Variants in GJB1 observed in about 807,000 individuals in gnomAD.
The protein encoded by GJB1 is gap junction protein beta 1.
GJB1 carries 1 observed loss-of-function variant against 12.0 expected under a neutral mutation model. That is an observed-to-expected ratio of 0.08 (90% CI 0.03 to 0.40). The LOEUF (loss-of-function observed/expected upper bound fraction) is 0.40. Ranked by LOEUF, GJB1 falls within the 10% of genes least tolerant of loss-of-function variation. The pLI is 0.98. For missense variants in GJB1, 140 were observed against 250.3 expected (o/e 0.56, Z 2.97); for synonymous variants, 114 against 102.8 (o/e 1.11, Z -0.66).
chrX:71,221,915 G>A (rs1261206224), upstream of GJB1, among the ~76,000 whole-genome samples: 3 of 109,249 alleles, frequency 2.7e-5, no homozygotes, highest in Admixed American at 9.9e-5. Flanking sequence ...TGGGAAGATC[G>A]CTTGAGCCCA....
intron 1 of GJB1, 46 bp from the exon 2 acceptor site, chrX:71,223,646 C>T: frequency 8.4e-7 from 1 of 1,189,602 alleles, no homozygotes; most frequent in Non-Finnish European, 1.1e-6. Context: ...GCCCGACTTT[C>T]CACCCCAGCT....
chrX:71,224,348 T>C lies in GJB1; in HGVS notation c.641T>C (p.Ile214Thr). ...LNVAEVVYLI[I>T]RACARRAQRR... Reference sequence around the variant, plus strand: ...GTGGCCGAGGTGGTGTACCTCATCATCCGGGCCTGTGCCCGCCGAGCCCAG... The same window carrying C: ...GTGGCCGAGGTGGTGTACCTCATCACCCGGGCCTGTGCCCGCCGAGCCCAG... Residue 214 changes from isoleucine (I) to threonine (T), a missense_variant, in exon 2 of 2, where the codon ATC (isoleucine) becomes ACC (threonine). Transcript: ENST00000361726. 1 of 1,208,319 alleles carries C rather than the reference T, an allele frequency of 8.3e-7. No individual in the cohort carries two copies. The highest frequency in any genetic ancestry group is 1.1e-6 in the Non-Finnish European group (1 of 894,720).
chrX:71,217,104 ATGTGTGTGTGTGTGTGTG>A (rs34246909), intron 1 of GJB1, among the ~76,000 whole-genome samples: 91 of 93,573 alleles, frequency 9.7e-4, no homozygotes, highest in South Asian at 5.6e-3. Context: ...GACTAGACGA[ATGTGTGTGTGTGTGTGTG>A]TGTGTGTGTG....
chrX:71,219,646 C>T (rs1430660746), upstream of GJB1, among the ~76,000 whole-genome samples: 8 of 100,981 alleles, frequency 7.9e-5, no homozygotes, highest in Admixed American at 6.5e-4. Flanking sequence ...TGGTGGCGGG[C>T]GCCTGTAGTC....
chrX:71,217,649 C>T (rs1008518131), intron 1 of GJB1: 6 of 111,743 alleles, frequency 5.4e-5, no homozygotes, highest in African/African-American at 2.0e-4. Context: ...TTGATATTGA[C>T]ATAGGGATCA....
chrX:71,216,670 G>A (rs182918224), intron 1 of GJB1, among the ~76,000 whole-genome samples: 2 of 110,940 alleles, frequency 1.8e-5, no homozygotes, highest in East Asian at 2.8e-4. Context: ...TGAAAAGACC[G>A]CAGCAGAGAG....
At chrX:71,217,311 T>G (rs978713276) in intron 1 of GJB1, among the ~76,000 whole-genome samples, 29 of 112,387 alleles carry the variant, frequency 2.6e-4, no homozygotes, top group Admixed American at 2.6e-3. Flanking sequence ...GCAGTGCAAT[T>G]GCCGTTGAGG....
chrX:71,218,406 C>G (rs778260617), upstream of GJB1, among the ~76,000 whole-genome samples: 247 of 96,820 alleles, frequency 2.6e-3, no homozygotes, highest in Non-Finnish European at 3.6e-3. Flanking sequence ...TTTTTTCAAT[C>G]TCCCTGTTCC....
At chrX:71,216,673 G>C (rs780743426) in intron 1 of GJB1, among the ~76,000 whole-genome samples, 1 of 111,045 alleles carries the variant, frequency 9.0e-6, no homozygotes, top group Non-Finnish European at 1.9e-5. Context: ...AAAGACCGCA[G>C]CAGAGAGGGG....
At chrX:71,217,307 C>T (rs1022110857) in intron 1 of GJB1, among the ~76,000 whole-genome samples, 8 of 112,303 alleles carry the variant, frequency 7.1e-5, no homozygotes, top group African/African-American at 2.6e-4. Flanking sequence ...AGCAGCAGTG[C>T]AATTGCCGTT....
chrX:71,223,380 G>A, intron 1 of GJB1, 45 bp downstream of exon 1: 1 of 360,396 alleles, frequency 2.8e-6, no homozygotes, highest in South Asian at 3.6e-5. Context: ...GAGTTAAGGA[G>A]CTAGGGGACA....
intron 1 of GJB1, among the ~76,000 whole-genome samples, chrX:71,217,306 G>C (rs1297403950): frequency 8.9e-6 from 1 of 112,407 alleles, no homozygotes; most frequent in Non-Finnish European, 1.9e-5. Flanking sequence ...TAGCAGCAGT[G>C]CAATTGCCGT....
At chrX:71,218,362 A>T (rs966764872), upstream of GJB1, among the ~76,000 whole-genome samples, 1 of 106,648 alleles carries the variant, frequency 9.4e-6, no homozygotes, top group Admixed American at 1.0e-4. Flanking sequence ...AATAAGACAT[A>T]GCAGTTTTGA....
At chrX:71,220,865 T>C (rs2092536105), upstream of GJB1, among the ~76,000 whole-genome samples, 2 of 96,505 alleles carry the variant, frequency 2.1e-5, no homozygotes, top group Non-Finnish European at 3.9e-5. Context: ...ACCTGAAGCA[T>C]TTCTTTTCTT....
At chrX:71,222,003 A>T (rs969985474), upstream of GJB1, among the ~76,000 whole-genome samples, 1 of 110,216 alleles carries the variant, frequency 9.1e-6, no homozygotes, top group African/African-American at 3.3e-5. Context: ...TTAGCTGGGC[A>T]TGGTGACACA....
chrX:71,220,889 C>CTT (rs1491472340), upstream of GJB1, among the ~76,000 whole-genome samples: 1,206 of 52,514 alleles, frequency 0.023, 44 homozygotes, highest in East Asian at 0.072. Context: ...TTGTTTCTTT[C>CTT]CTTTTTTTTT....
chrX:71,224,303 G>T lies in GJB1; in HGVS notation c.596G>T (p.Gly199Val). The T allele has an allele frequency of 8.3e-7, 1 of 1,208,574 alleles. No individual in the cohort carries two copies. The highest frequency in any genetic ancestry group is 1.1e-6 in the Non-Finnish European group (1 of 895,158). Residue 199 changes from glycine to valine, a missense_variant, in exon 2 of 2, where the codon GGC (glycine) becomes GTC (valine). Gly to Val is a moderately radical substitution (Grantham distance 109, BLOSUM62 -3). Transcript: ENST00000361726. ...VFTVFMLAAS[G>V]ICIILNVAEV... ...ACCGTCTTCATGCTAGCTGCCTCTG[G>T]CATCTGCATCATCCTCAATGTGGCC...
At chrX:71,219,564 G>A, upstream of GJB1, among the ~76,000 whole-genome samples, 1 of 106,745 alleles carries the variant, frequency 9.4e-6, no homozygotes, top group Non-Finnish European at 1.9e-5. Context: ...GAGGTCAGGA[G>A]ATCGAGACCA....
upstream of GJB1, among the ~76,000 whole-genome samples, chrX:71,219,926 T>C (rs1278588777): frequency 2.2e-4 from 22 of 100,783 alleles, no homozygotes; most frequent in African/African-American, 7.6e-4. Flanking sequence ...CACTACAACA[T>C]CTGCCTCCCG....
Sources: gnomAD v4.1 joint callset for allele counts (sites outside exome capture counted in the v4.1 genomes callset) on GRCh38, gnomAD v4.1.1 for gene constraint, MANE v1.5 for transcripts, NCBI Gene and HGNC (gene_info 2026-07-23, HGNC 2026-07-21) for gene names.